WDR72: variants seen among roughly 807,000 people sequenced by gnomAD.
The protein encoded by WDR72 is WD repeat domain 72.
A neutral mutation model predicts 124.2 loss-of-function variants in WDR72; 120 were observed. The observed-to-expected ratio is 0.97, with a 90% CI of 0.83 to 1.12. The LOEUF is 1.12. Among genes scored for constraint, WDR72 ranks in the 50% most tolerant of loss-of-function variants. WDR72 has a pLI of 0.00. For synonymous variants in WDR72, 452 were observed against 441.7 expected (o/e 1.02, Z -0.29); for missense variants, 1,387 against 1,278.8 (o/e 1.08, Z -1.29).
In WDR72 at chr15:53,616,172, G is replaced by C. The variant is rs201438175; in HGVS notation, c.2034C>G (p.Gly678=). Residue 678 remains glycine (G), a synonymous_variant, in exon 15 of 20, where the codon GGC becomes GGG. Coordinates refer to ENST00000360509, the MANE Select transcript of WDR72 (RefSeq NM_182758.4). ...CCAGATCAAATAGAAGAATATGAAAGCCAACGTTACTCCATTTTGTCTTCA... is the reference window on the plus strand; with the variant it reads ...CCAGATCAAATAGAAGAATATGAAACCCAACGTTACTCCATTTTGTCTTCA... ...LPVKTKWSNV[G]FHILLFDLEN... The C allele has an allele frequency of 1.2e-6, 2 of 1,607,060 alleles. No individual in the cohort carries two copies. Among genetic ancestry groups the C allele is most frequent in the African/African-American group, 2.7e-5 (2 of 74,666 alleles).
intron 13 of WDR72, among the ~76,000 whole-genome samples, chr15:53,676,257 G>A (rs1380065061): frequency 6.6e-6 from 1 of 152,168 alleles, no homozygotes; most frequent in East Asian, 1.9e-4. Context: ...ATCCTTATGT[G>A]ATTCCCTCCC....
intron 18 of WDR72, among the ~76,000 whole-genome samples, chr15:53,550,690 A>G (rs1396523901): frequency 6.6e-6 from 1 of 152,228 alleles, no homozygotes; most frequent in African/African-American, 2.4e-5. Flanking sequence ...ATAACATTAG[A>G]GACTTGCTCA....
intron 1 of WDR72, among the ~76,000 whole-genome samples, chr15:53,751,810 C>A (rs2018781529): frequency 1.3e-5 from 2 of 152,094 alleles, no homozygotes; most frequent in South Asian, 4.1e-4. Flanking sequence ...AGCCTGGATT[C>A]AAATGCCAAC....
At chr15:53,756,439 T>A (rs914990168) in intron 1 of WDR72, among the ~76,000 whole-genome samples, 18 of 152,128 alleles carry the variant, frequency 1.2e-4, no homozygotes, top group South Asian at 4.1e-4. Context: ...GACTAATACA[T>A]GGGCCCTCAC....
intron 14 of WDR72, among the ~76,000 whole-genome samples, chr15:53,626,409 C>T (rs559777628): frequency 4.7e-4 from 72 of 152,300 alleles, no homozygotes; most frequent in African/African-American, 1.7e-3. Flanking sequence ...ATCAGGAGCA[C>T]AGCGGACACC....
At chr15:53,523,120 C>T in intron 19 of WDR72, 98 bp downstream of exon 19, 1 of 1,099,796 alleles carries the variant, frequency 9.1e-7, no homozygotes. Context: ...TAAGAGAAAA[C>T]AGCATTACAA....
intron 13 of WDR72, among the ~76,000 whole-genome samples, chr15:53,695,252 GA>G (rs1241136593): frequency 6.6e-6 from 1 of 152,100 alleles, no homozygotes. Flanking sequence ...TAACACACAA[GA>G]AATTCATTAC....
chr15:53,593,929 T>A (rs1397963861), intron 18 of WDR72, among the ~76,000 whole-genome samples: 1 of 152,066 alleles, frequency 6.6e-6, no homozygotes, highest in Non-Finnish European at 1.5e-5. Context: ...AATCTCTTTC[T>A]TAGAGTATAG....
chr15:53,758,003 C>T (rs201496650), intron 1 of WDR72, among the ~76,000 whole-genome samples: 3 of 127,432 alleles, frequency 2.4e-5, no homozygotes, highest in African/African-American at 8.7e-5. Flanking sequence ...CTCTCTCTCT[C>T]TCTCTTTTTC....
intron 13 of WDR72, among the ~76,000 whole-genome samples, chr15:53,686,995 CAT>C (rs2016656932): frequency 6.6e-6 from 1 of 151,230 alleles, no homozygotes; most frequent in Admixed American, 6.6e-5. Context: ...CGGAAATAAA[CAT>C]GTTCTTTGAA....
intron 18 of WDR72, among the ~76,000 whole-genome samples, chr15:53,557,255 C>G (rs762292942): frequency 7.2e-5 from 11 of 152,038 alleles, no homozygotes; most frequent in Non-Finnish European, 1.3e-4. Flanking sequence ...TGCCTGTTTT[C>G]TAAGTGAAGG....
At chr15:53,527,656 A>G (rs1892201799) in intron 18 of WDR72, among the ~76,000 whole-genome samples, 1 of 152,088 alleles carries the variant, frequency 6.6e-6, no homozygotes, top group Admixed American at 6.6e-5. Flanking sequence ...TAGGAAAATC[A>G]TTAATTAAAA....
At chr15:53,645,286 TATAAAG>T (rs1251424163) in intron 14 of WDR72, among the ~76,000 whole-genome samples, 2 of 152,164 alleles carry the variant, frequency 1.3e-5, no homozygotes, top group African/African-American at 2.4e-5. Flanking sequence ...AAGCTTAGAA[TATAAAG>T]ATAAACGAAA....
intron 14 of WDR72, among the ~76,000 whole-genome samples, chr15:53,638,916 T>C (rs1029144089): frequency 1.3e-5 from 2 of 151,934 alleles, no homozygotes; most frequent in Admixed American, 6.6e-5. Flanking sequence ...GGCAGGAGAA[T>C]TGCTTGAACC....
In WDR72 at chr15:53,517,553, A is replaced by G. The variant is rs183942614; in HGVS notation, c.*146T>C. ...AATCAGCATGTATTAAAATCACTTT[A>G]ATACATGTTGGCTAAAGTATTAGCA... On this transcript the variant is annotated 3_prime_UTR_variant, in exon 20 of 20. Transcript: ENST00000360509. The G allele has an allele frequency of 2.5e-6, 2 of 788,430 alleles. No individual in the cohort carries two copies. The allele number at this position is 788,430 out of a possible 1,614,324, so 48.8% of individuals were successfully genotyped here. A position where few individuals can be genotyped will look rare whatever the true frequency, so the allele number is the denominator to read the frequency against.
At chr15:53,519,688 T>C (rs939735919) in intron 19 of WDR72, among the ~76,000 whole-genome samples, 2 of 152,078 alleles carry the variant, frequency 1.3e-5, no homozygotes, top group Admixed American at 1.3e-4. Context: ...GTGCTTTGCC[T>C]ACCTTAATGG....
chr15:53,660,493 G>T lies in WDR72; in HGVS notation c.1962+5079C>A, dbSNP rs567192293. On this transcript the variant is annotated intron_variant, in intron 14 of 19. Transcript: ENST00000360509. ...TTGGTGGTCTACCAATACACCAGCT[G>T]TTTTTTACAAGAGGTATGAGAATAA... 2.4e-4 allele frequency among the ~76,000 whole-genome samples: 37 copies of T among 152,072 alleles called. No individual in the cohort carries two copies. In the South Asian group the frequency reaches 5.0e-3, roughly 20 times the overall value.
At position 53,702,126 on chromosome 15, in the gene WDR72, C is replaced by A. The variant is rs767988638; in HGVS notation, c.1569+8G>T. On this transcript the variant is annotated splice_region_variant and intron_variant, in intron 12 of 19. Coordinates refer to ENST00000360509, the MANE Select transcript of WDR72 (RefSeq NM_182758.4). ...AATTTAGATGTTATATTTTACTCTT[C>A]GTCTTACTTTAAACTTCTCTGGTGA... The A allele has an allele frequency of 1.3e-5, 21 of 1,604,068 alleles. No homozygotes were observed. The highest frequency in any genetic ancestry group is 1.7e-5 in the Non-Finnish European group (20 of 1,173,606).
intron 18 of WDR72, among the ~76,000 whole-genome samples, chr15:53,585,418 C>T (rs1162186108): frequency 3.9e-5 from 6 of 151,928 alleles, no homozygotes; most frequent in African/African-American, 1.4e-4. Context: ...TCTCTTGACA[C>T]GTGGGAATTA....
Sources: allele counts gnomAD v4.1 joint callset (sites outside exome capture counted in the v4.1 genomes callset), GRCh38; gene constraint gnomAD v4.1.1; transcripts MANE v1.5; gene names NCBI Gene and HGNC (gene_info 2026-07-23, HGNC 2026-07-21).